PRKN: variants seen among roughly 807,000 people sequenced by gnomAD.
PRKN encodes the protein parkin RBR E3 ubiquitin protein ligase, also known as E3 ubiquitin-protein ligase parkin.
Under a neutral mutation model 59.5 loss-of-function variants are expected in PRKN, and 56 were observed. The ratio of observed to expected loss-of-function variants is 0.94; its 90% CI spans 0.76 to 1.18. The LOEUF is 1.18. Ranked by LOEUF, PRKN falls within the 50% of genes most tolerant of loss-of-function variation. The pLI is 0.00. For synonymous variants in PRKN, 250 were observed against 222.1 expected, an observed-to-expected ratio of 1.13 and a Z score of -1.12; for missense variants, 657 against 596.4, an observed-to-expected ratio of 1.10 and a Z score of -1.06.
chr6:162,499,040 T>G (rs1793234819), intron 1 of PRKN, among the ~76,000 whole-genome samples: 1 of 152,164 alleles, frequency 6.6e-6, no homozygotes, highest in African/African-American at 2.4e-5. Context: ...ATGTTCAACT[T>G]AAAAAGACTT....
intron 6 of PRKN, among the ~76,000 whole-genome samples, chr6:161,835,309 A>AG (rs1792701457): frequency 1.3e-5 from 2 of 152,222 alleles, no homozygotes; most frequent in South Asian, 4.1e-4. Flanking sequence ...GTGAGAAGGA[A>AG]GGGGGGCTTC....
intron 1 of PRKN, among the ~76,000 whole-genome samples, chr6:162,686,135 A>G (rs1418287420): frequency 6.6e-6 from 1 of 152,214 alleles, no homozygotes; most frequent in Non-Finnish European, 1.5e-5. Flanking sequence ...CAAAATGGTG[A>G]CATGATTTTT....
intron 2 of PRKN, among the ~76,000 whole-genome samples, chr6:162,347,480 T>C (rs751049123): frequency 5.3e-5 from 8 of 152,094 alleles, no homozygotes; most frequent in African/African-American, 9.6e-5. Flanking sequence ...CTTCATTTCA[T>C]TGTATTCAAA....
At position 161,567,037 on chromosome 6, in the gene PRKN, T is replaced by TGTGTG. The variant is rs1554277339; in HGVS notation, c.933+2317_933+2318insCACAC. Among the ~76,000 whole-genome samples, 301 of 103,798 alleles carry TGTGTG rather than the reference T, an allele frequency of 2.9e-3. 1 individual carries two copies. The highest frequency in any genetic ancestry group is 0.011 in the African/African-American group (278 of 25,386). 68.1% of individuals were successfully genotyped at this position (103,798 alleles called of 152,430 possible). A position where few individuals can be genotyped will look rare whatever the true frequency, so the allele number is the denominator to read the frequency against. On this transcript the variant is annotated intron_variant, in intron 8 of 11. Transcript: ENST00000366898. ...CACTGTCCTTGTTTTTTTTTTTTTTTTGTGTGTGTGTGTGTGTGTGTGAGA... is the reference window on the plus strand; with the variant it reads ...CACTGTCCTTGTTTTTTTTTTTTTTTGTGTGTGTGTGTGTGTGTGTGTGTGTGAGA...
At chr6:161,631,671 G>A (rs1419611096) in intron 7 of PRKN, among the ~76,000 whole-genome samples, 1 of 152,054 alleles carries the variant, frequency 6.6e-6, no homozygotes, top group South Asian at 2.1e-4. Flanking sequence ...AACGCTTTTT[G>A]AAATGTCTTG....
chr6:161,365,016 G>C (rs149070455), intron 10 of PRKN, among the ~76,000 whole-genome samples: 3 of 152,144 alleles, frequency 2.0e-5, no homozygotes, highest in African/African-American at 7.2e-5. Flanking sequence ...TAATGCGCTG[G>C]CATGATTCAG....
intron 1 of PRKN, among the ~76,000 whole-genome samples, chr6:162,603,510 G>C (rs1255910270): frequency 6.6e-6 from 1 of 152,198 alleles, no homozygotes; most frequent in Non-Finnish European, 1.5e-5. Context: ...GAGTAGATGG[G>C]ACAAAGAACC....
intron 4 of PRKN, among the ~76,000 whole-genome samples, chr6:162,134,369 C>T (rs528002494): frequency 2.6e-5 from 4 of 152,276 alleles, no homozygotes; most frequent in Admixed American, 6.5e-5. Context: ...GTTGAAAAAC[C>T]TTGCTTTCCT....
chr6:161,855,366 C>T (rs1793609369), intron 6 of PRKN, among the ~76,000 whole-genome samples: 1 of 152,154 alleles, frequency 6.6e-6, no homozygotes, highest in Admixed American at 6.5e-5. Context: ...TTCTTTTATT[C>T]TCAAATCTCC....
rs1786706497 is a variant in PRKN at position 161,395,322 on chromosome 6, C to T, written c.1084-8445G>A. 6.6e-6 allele frequency among the ~76,000 whole-genome samples: 1 copy of T among 152,176 alleles called. No individual in the cohort carries two copies. Among genetic ancestry groups the T allele is most frequent in the African/African-American group, 2.4e-5 (1 of 41,428 alleles). On this transcript the variant is annotated intron_variant, in intron 9 of 11. Coordinates refer to ENST00000366898, the MANE Select transcript of PRKN (RefSeq NM_004562.3). The surrounding 1 kb of genome is among the most constrained non-coding windows in gnomAD (Gnocchi z 5.0). ...GGAGAGCTGCTCCATTCTTCCTGAA[C>T]AGCCACACAATATTCCAGTGGATAG...
intron 2 of PRKN, among the ~76,000 whole-genome samples, chr6:162,296,124 C>G (rs550270870): frequency 6.6e-6 from 1 of 151,930 alleles, no homozygotes; most frequent in African/African-American, 2.4e-5. Context: ...GGGAGAGGGA[C>G]AGTAAATGGG....
intron 2 of PRKN, among the ~76,000 whole-genome samples, chr6:162,273,352 T>C (rs1402187132): frequency 3.3e-5 from 5 of 151,662 alleles, no homozygotes; most frequent in African/African-American, 9.7e-5. Flanking sequence ...ACTTACTAAA[T>C]AAAAAGGAGA....
intron 4 of PRKN, among the ~76,000 whole-genome samples, chr6:162,150,687 C>G: frequency 6.6e-6 from 1 of 152,140 alleles, no homozygotes; most frequent in East Asian, 1.9e-4. Flanking sequence ...AAACGAACTA[C>G]AGCTTTCCCT....
chr6:161,642,083 T>C (rs1045003125), intron 7 of PRKN, among the ~76,000 whole-genome samples: 3 of 152,240 alleles, frequency 2.0e-5, no homozygotes, highest in Admixed American at 6.5e-5. Context: ...TAAATTATCT[T>C]ATGAAATGGA....
chr6:162,363,131 C>CAAAA (rs34722234), intron 2 of PRKN, among the ~76,000 whole-genome samples: 8 of 98,388 alleles, frequency 8.1e-5, no homozygotes, highest in African/African-American at 1.5e-4. Flanking sequence ...CCTTCTCAAA[C>CAAAA]AAAAAAAAAA....
intron 1 of PRKN, among the ~76,000 whole-genome samples, chr6:162,565,410 C>T (rs1049082678): frequency 4.6e-5 from 7 of 152,014 alleles, no homozygotes; most frequent in South Asian, 2.1e-4. Context: ...TGGCCGGGAG[C>T]GGTGGCTCAA....
rs1398579423 is a variant in PRKN at position 161,565,646 on chromosome 6, G to A, written c.933+3709C>T. Among the ~76,000 whole-genome samples the A allele has an allele frequency of 3.3e-5, 5 of 152,142 alleles. No homozygotes were observed. The East Asian group carries it at 9.7e-4, about 30-fold the overall frequency. On this transcript the variant is annotated intron_variant, in intron 8 of 11. Coordinates refer to ENST00000366898, the MANE Select transcript of PRKN (RefSeq NM_004562.3). Reference sequence around the variant, plus strand: ...TCCGTCATGATTGTAAGTTTCCTGAGGCCTCCCCAGTCATGTGGAACTGTG... The same window carrying A: ...TCCGTCATGATTGTAAGTTTCCTGAAGCCTCCCCAGTCATGTGGAACTGTG...
intron 7 of PRKN, among the ~76,000 whole-genome samples, chr6:161,691,045 T>A (rs1228603755): frequency 6.6e-6 from 1 of 150,410 alleles, no homozygotes; most frequent in East Asian, 2.0e-4. Flanking sequence ...TTCCTTTCCA[T>A]CCATCCATCC....
chr6:161,984,867 C>T (rs1781378869), intron 5 of PRKN, among the ~76,000 whole-genome samples: 1 of 152,202 alleles, frequency 6.6e-6, no homozygotes, highest in Non-Finnish European at 1.5e-5. Flanking sequence ...CACAGCCTCC[C>T]TGAGAGTGAG....
Sources: gnomAD v4.1 joint callset for allele counts (sites outside exome capture counted in the v4.1 genomes callset) on GRCh38, gnomAD v4.1.1 for gene constraint, Gnocchi (gnomAD v3.1) non-coding constraint, MANE v1.5 for transcripts, NCBI Gene and HGNC (gene_info 2026-07-23, HGNC 2026-07-21) for gene names.